Variants in CRAT observed in about 807,000 individuals in gnomAD.
CRAT encodes carnitine O-acetyltransferase, also known as carnitine acetylase.
A neutral mutation model predicts 73.7 loss-of-function variants in CRAT; 66 were observed. The observed-to-expected ratio is 0.90, with a 90% confidence interval of 0.73 to 1.10. The LOEUF is 1.10. Among genes scored for constraint, CRAT ranks in the 50% least tolerant of loss-of-function variants. The pLI is 0.00. For synonymous variants in CRAT, 321 were observed against 343.2 expected (o/e 0.94, Z 0.71); for missense variants, 745 against 846.9 (o/e 0.88, Z 1.49).
intron 7 of CRAT, 21 bp downstream of exon 7, chr9:129,100,490 C>T (rs1162086918): frequency 4.4e-6 from 7 of 1,602,312 alleles, no homozygotes; most frequent in South Asian, 3.4e-5. Flanking sequence ...TGTGAGTGGG[C>T]GAAGCCCTGC....
chr9:129,097,067 C>CAA (rs796548320), intron 12 of CRAT, among the ~76,000 whole-genome samples, 183 bp downstream of exon 12: 1 of 113,354 alleles, frequency 8.8e-6, no homozygotes, highest in Non-Finnish European at 2.0e-5. Flanking sequence ...GACTCCATCT[C>CAA]AAAAAAAAAA....
At chr9:129,109,221 G>A (rs1042992118) in intron 1 of CRAT, 4 of 1,304,248 alleles carry the variant, frequency 3.1e-6, no homozygotes, top group Non-Finnish European at 3.0e-6. Context: ...GGAAAACTTG[G>A]CTGGAGGACA....
intron 11 of CRAT, 95 bp from the exon 12 acceptor site, chr9:129,097,407 T>C: frequency 1.0e-6 from 1 of 973,492 alleles, no homozygotes; most frequent in Admixed American, 2.7e-5. Flanking sequence ...GATTCTGAGC[T>C]CTTTAAGAGG....
rs1847719321 is a variant in CRAT at position 129,102,258 on chromosome 9, C to T, written c.630+142G>A. The T allele has an allele frequency of 3.0e-6, 4 of 1,312,668 alleles. No individual in the cohort carries two copies. The South Asian group carries it at 5.5e-5, about 18-fold the overall frequency. The allele number at this position is 1,312,668 out of a possible 1,614,324, so 81.3% of individuals were successfully genotyped here. On this transcript the variant is annotated intron_variant, in intron 5 of 13. Coordinates refer to ENST00000318080, the MANE Select transcript of CRAT (RefSeq NM_000755.5). ...GCCCCTCCTGGCCTCCCTGGGCCCC[C>T]AATGGAGAAGCCAGGGGCGCCCATT...
At chr9:129,109,406 C>G (rs3824536) in intron 1 of CRAT, 1 of 616,910 alleles carries the variant, frequency 1.6e-6, no homozygotes, top group African/African-American at 1.9e-5. Context: ...CATCCCTCTA[C>G]GAACACTCAT....
rs896744537 is a variant in CRAT, at chr9:129,110,325, C to G, written c.27+158G>C. Among the ~76,000 whole-genome samples the G allele has an allele frequency of 6.6e-6, 1 of 152,220 alleles. No individual in the cohort carries two copies. The highest frequency in any genetic ancestry group is 1.5e-5 in the Non-Finnish European group (1 of 68,034). ...CGCTTCTGACCTTGCGCCCCAATCT[C>G]CTGCTCTGCCAAACCTGGGACGCCC... On this transcript the variant is annotated intron_variant, in intron 1 of 13. Transcript: ENST00000318080. This position sits in a 1 kb window ranked among gnomAD's most constrained non-coding sequence, Gnocchi z 5.3.
intron 12 of CRAT, 102 bp downstream of exon 12, chr9:129,097,148 C>CA: frequency 9.6e-7 from 1 of 1,041,466 alleles, no homozygotes; most frequent in South Asian, 1.7e-5. Flanking sequence ...GTGGTCCTAG[C>CA]AAAGGGTTGG....
Position 129,104,177 on chromosome 9 carries a change from C to T in CRAT, c.410+11G>A. ...CGGCTGCCTCCTGGCCCCCAAACCC[C>T]AGCCACTCACCGGAGCTGACCCTGC... On this transcript the variant is annotated intron_variant, in intron 3 of 13. Transcript: ENST00000318080. The T allele has an allele frequency of 1.9e-6, 3 of 1,598,252 alleles. No individual in the cohort carries two copies. The highest frequency in any genetic ancestry group is 2.6e-6 in the Non-Finnish European group (3 of 1,172,048).
Position 129,110,613 on chromosome 9 carries a change from C to T in CRAT, c.-104G>A, listed in dbSNP as rs532310982. The T allele has an allele frequency of 1.2e-4, 156 of 1,315,604 alleles. No individual in the cohort carries two copies. The highest frequency in any genetic ancestry group is 7.9e-5 in the South Asian group (5 of 63,298). 81.5% of individuals were successfully genotyped at this position (1,315,604 alleles called of 1,614,324 possible). On this transcript the variant is annotated 5_prime_UTR_variant, in exon 1 of 14. Coordinates refer to ENST00000318080, the MANE Select transcript of CRAT (RefSeq NM_000755.5). The surrounding 1 kb of genome is among the most constrained non-coding windows in gnomAD (Gnocchi z 5.3). ...GGGGTCGGTGGGTCCTTGCTAGAGC[C>T]TTCGGGCCAAGGTCGCTGAGTTACA... is the stretch of plus-strand genomic sequence containing the variant.
chr9:129,107,915 C>A lies in CRAT; in HGVS notation c.190G>T (p.Ala64Ser). 1 of 1,610,734 alleles carries A rather than the reference C, an allele frequency of 6.2e-7. No individual in the cohort carries two copies. The change falls in exon 2 of 14, where the codon GCC becomes TCC. Residue 64 changes from alanine (A) to serine (S), a missense_variant. Transcript: ENST00000318080. This position sits in a 1 kb window ranked among gnomAD's most constrained non-coding sequence, Gnocchi z 5.0. ...LQPIVSEEEW[A>S]HTKQLVDEFQ... ...TCATCCACCAGCTGCTTGGTGTGGGCCCACTCCTCCTCACTCACGATGGGC... is the reference window on the plus strand; with the variant it reads ...TCATCCACCAGCTGCTTGGTGTGGGACCACTCCTCCTCACTCACGATGGGC...
chr9:129,106,625 G>A lies in CRAT; in HGVS notation c.291+1189C>T, dbSNP rs1218319363. 6.6e-6 allele frequency among the ~76,000 whole-genome samples: 1 copy of A among 152,094 alleles called. No individual in the cohort carries two copies. The highest frequency in any genetic ancestry group is 1.5e-5 in the Non-Finnish European group (1 of 68,006). Reference sequence around the variant, plus strand: ...CAGACGCTCTAAGGACCTTTCGGGGGAAGCATCTTGGTTCTGGAGTCCAAA... The same window carrying A: ...CAGACGCTCTAAGGACCTTTCGGGGAAAGCATCTTGGTTCTGGAGTCCAAA... On this transcript the variant is annotated intron_variant, in intron 2 of 13. Coordinates refer to ENST00000318080, the MANE Select transcript of CRAT (RefSeq NM_000755.5). The surrounding 1 kb of genome is among the most constrained non-coding windows in gnomAD (Gnocchi z 4.0).
intron 3 of CRAT, 57 bp downstream of exon 3, chr9:129,104,131 G>T: frequency 1.5e-6 from 2 of 1,352,838 alleles, no homozygotes; most frequent in Non-Finnish European, 2.1e-6. Flanking sequence ...AAGCGGCTGG[G>T]CGAAGTGAAC....
rs1847559024 is a variant in CRAT, at chr9:129,099,962, A to T, written c.989T>A (p.Ile330Asn). ...CCCACAGGAGCCATCTTCTGCCACGATGAACTGTGGAAGGGAAGGGAGACC... is the reference window on the plus strand; with the variant it reads ...CCCACAGGAGCCATCTTCTGCCACGTTGAACTGTGGAAGGGAAGGGAGACC... Reference protein sequence around the residue: ...NRWFDKTLQFIVAEDGSCGLV... With the variant: ...NRWFDKTLQFNVAEDGSCGLV... Residue 330 changes from isoleucine to asparagine, a missense_variant, in exon 8 of 14, where the codon ATC becomes AAC. Coordinates refer to ENST00000318080, the MANE Select transcript of CRAT (RefSeq NM_000755.5). 4.3e-6 allele frequency: 7 copies of T among 1,613,032 alleles called. No individual in the cohort carries two copies. In the East Asian group the frequency reaches 1.3e-4, roughly 31 times the overall value.
intron 2 of CRAT, among the ~76,000 whole-genome samples, chr9:129,104,787 G>A (rs1297033148): frequency 6.6e-6 from 1 of 151,100 alleles, no homozygotes; most frequent in Admixed American, 6.6e-5. Context: ...TGTATTTTTA[G>A]TAGAGACGGG....
chr9:129,095,369 G>A lies in CRAT; in HGVS notation c.*28C>T. The A allele has an allele frequency of 6.2e-7, 1 of 1,603,400 alleles. No homozygotes were observed. The highest frequency in any genetic ancestry group is 1.1e-5 in the South Asian group (1 of 90,954). On this transcript the variant is annotated 3_prime_UTR_variant, in exon 14 of 14. Transcript: ENST00000318080. ...CCCATCCCAGGGTGGGCTTGGCTGT[G>A]GCATTGGCAGGCCTGAGTCCTAGGG...
intron 2 of CRAT, 24 bp from the exon 3 acceptor site, chr9:129,104,330 C>A: frequency 6.3e-7 from 1 of 1,594,728 alleles, no homozygotes; most frequent in South Asian, 1.1e-5. Flanking sequence ...CAGAGCCTGT[C>A]AGGAGGGGTG....
chr9:129,102,372 C>T, intron 5 of CRAT, 28 bp downstream of exon 5: 2 of 1,613,640 alleles, frequency 1.2e-6, no homozygotes, highest in Non-Finnish European at 1.7e-6. Context: ...AGGGCCGGGG[C>T]TTGTAGGTGT....
intron 9 of CRAT, 30 bp downstream of exon 9, chr9:129,098,501 A>C (rs543007181): frequency 6.3e-7 from 1 of 1,597,900 alleles, no homozygotes; most frequent in African/African-American, 1.3e-5. Context: ...TCACCCATCC[A>C]GCACAGGGAT....
intron 1 of CRAT, chr9:129,109,324 T>A: frequency 7.8e-7 from 1 of 1,276,600 alleles, no homozygotes; most frequent in African/African-American, 1.5e-5. Context: ...GAAAAGGCCA[T>A]CAGTGGATGG....
Sources: gnomAD v4.1 joint callset for allele counts (sites outside exome capture counted in the v4.1 genomes callset) on GRCh38, gnomAD v4.1.1 for gene constraint, Gnocchi (gnomAD v3.1) non-coding constraint, MANE v1.5 for transcripts, NCBI Gene and HGNC (gene_info 2026-07-23, HGNC 2026-07-21) for gene names.